Variants in SCD5 observed in about 807,000 individuals in gnomAD.
SCD5 encodes stearoyl-CoA desaturase 5.
In SCD5, 20 loss-of-function variants were observed where a neutral mutation model predicts 30.4. That is an observed-to-expected ratio of 0.66 (90% CI 0.46 to 0.96). The LOEUF (loss-of-function observed/expected upper bound fraction) is 0.96, where lower values mean the gene tolerates loss of function less well. Ranked by LOEUF, SCD5 falls within the 40% of genes least tolerant of loss-of-function variation. SCD5 has a pLI of 0.00. For synonymous variants in SCD5, 173 were observed against 176.4 expected, an observed-to-expected ratio of 0.98 and a Z score of 0.16; for missense variants, 381 against 443.3, an observed-to-expected ratio of 0.86 and a Z score of 1.26.
In SCD5 at chr4:82,629,736, T is replaced by C. The variant is rs1303554534; in HGVS notation, c.*1591A>G. 1 of 152,216 alleles carries C rather than the reference T, an allele frequency of 6.6e-6. No homozygotes were observed. Among genetic ancestry groups the C allele is most frequent in the Non-Finnish European group, 1.5e-5 (1 of 68,034 alleles). The allele number at this position is 152,216 out of a possible 1,614,324, so 9.4% of individuals were successfully genotyped here. On this transcript the variant is annotated 3_prime_UTR_variant, in exon 5 of 5. Coordinates refer to ENST00000319540, the MANE Select transcript of SCD5 (RefSeq NM_001037582.3). ...AATATCTATCTTCAAAGTGCTCCAATACTAACACTATAAGCCCTTTCTTTT... is the reference window on the plus strand; with the variant it reads ...AATATCTATCTTCAAAGTGCTCCAACACTAACACTATAAGCCCTTTCTTTT...
At chr4:82,746,517 C>G (rs960936115) in intron 1 of SCD5, among the ~76,000 whole-genome samples, 1 of 152,112 alleles carries the variant, frequency 6.6e-6, no homozygotes, top group African/African-American at 2.4e-5. Context: ...TCAGATCAAT[C>G]AGGTTCTTGT....
At chr4:82,672,573 G>GC (rs1300124263) in intron 3 of SCD5, among the ~76,000 whole-genome samples, 1 of 151,862 alleles carries the variant, frequency 6.6e-6, no homozygotes, top group African/African-American at 2.4e-5. Context: ...ATAGAACCAG[G>GC]CCAAGATGGT....
intron 1 of SCD5, among the ~76,000 whole-genome samples, chr4:82,755,507 A>AAAAG: frequency 6.6e-6 from 1 of 152,272 alleles, no homozygotes; most frequent in East Asian, 1.9e-4. Context: ...CAAAAAACAG[A>AAAAG]AAAGAAAGAA....
At chr4:82,713,269 A>G (rs1453345080) in intron 1 of SCD5, among the ~76,000 whole-genome samples, 1 of 152,206 alleles carries the variant, frequency 6.6e-6, no homozygotes, top group Non-Finnish European at 1.5e-5. Context: ...GGTTAGGTCC[A>G]TTTACACGGT....
chr4:82,715,172 G>A (rs1247632273), intron 1 of SCD5, among the ~76,000 whole-genome samples: 1 of 151,166 alleles, frequency 6.6e-6, no homozygotes, highest in Non-Finnish European at 1.5e-5. Flanking sequence ...AGGAGGCAGA[G>A]GTTGCAGTGC....
chr4:82,653,729 G>GATAGATAGATAGAT (rs1433592283), intron 3 of SCD5, among the ~76,000 whole-genome samples: 3 of 151,754 alleles, frequency 2.0e-5, no homozygotes, highest in Middle Eastern at 3.2e-3. Context: ...GATAGATATA[G>GATAGATAGATAGAT]ATAGATAGGC....
At chr4:82,708,612 G>A (rs1339323839) in intron 1 of SCD5, among the ~76,000 whole-genome samples, 2 of 152,222 alleles carry the variant, frequency 1.3e-5, no homozygotes, top group African/African-American at 4.8e-5. Flanking sequence ...ACAGAGTCCA[G>A]AGCTCCTTTG....
chr4:82,772,560 A>G (rs1264047844), intron 1 of SCD5, among the ~76,000 whole-genome samples: 1 of 152,162 alleles, frequency 6.6e-6, no homozygotes, highest in Non-Finnish European at 1.5e-5. Context: ...CCCATCTGAA[A>G]TGGTCTCGCT....
intron 1 of SCD5, among the ~76,000 whole-genome samples, chr4:82,746,229 A>G (rs1237811696): frequency 1.3e-5 from 2 of 152,256 alleles, no homozygotes; most frequent in East Asian, 3.8e-4. Context: ...TTAGAAAACT[A>G]TGGAAGCAAT....
At chr4:82,639,269 G>A (rs899186434) in intron 3 of SCD5, among the ~76,000 whole-genome samples, 11 of 152,150 alleles carry the variant, frequency 7.2e-5, no homozygotes, top group African/African-American at 2.7e-4. Flanking sequence ...AAAGACCAAA[G>A]ACAACTAAGG....
intron 1 of SCD5, among the ~76,000 whole-genome samples, chr4:82,735,098 T>C (rs1720722138): frequency 1.3e-5 from 2 of 152,192 alleles, no homozygotes; most frequent in Admixed American, 1.3e-4. Context: ...TTTAGCATTA[T>C]AGCAGGTCCT....
At chr4:82,729,406 T>C (rs1297290612) in intron 1 of SCD5, among the ~76,000 whole-genome samples, 1 of 152,140 alleles carries the variant, frequency 6.6e-6, no homozygotes, top group African/African-American at 2.4e-5. Context: ...TGCTTTCTTG[T>C]GTTTACACCT....
At chr4:82,769,433 C>G (rs532693890) in intron 1 of SCD5, among the ~76,000 whole-genome samples, 1 of 152,116 alleles carries the variant, frequency 6.6e-6, no homozygotes, top group South Asian at 2.1e-4. Context: ...AATGTTTCAC[C>G]AATTTACAGA....
chr4:82,684,347 G>A (rs900259062), intron 2 of SCD5, among the ~76,000 whole-genome samples: 3 of 152,154 alleles, frequency 2.0e-5, no homozygotes, highest in African/African-American at 7.2e-5. Flanking sequence ...CAAAGAATAA[G>A]ATGTGTTTTG....
chr4:82,727,969 A>T (rs892113863), intron 1 of SCD5, among the ~76,000 whole-genome samples: 1 of 152,098 alleles, frequency 6.6e-6, no homozygotes, highest in Non-Finnish European at 1.5e-5. Flanking sequence ...CGGCCCTCCC[A>T]AAGTGTTGGG....
intron 1 of SCD5, among the ~76,000 whole-genome samples, chr4:82,794,674 G>A (rs1722172199): frequency 6.7e-6 from 1 of 150,158 alleles, no homozygotes. Flanking sequence ...TTTTGAGACG[G>A]AGTCTCACTC....
chr4:82,704,392 G>C (rs1417157810), intron 2 of SCD5, among the ~76,000 whole-genome samples: 2 of 152,196 alleles, frequency 1.3e-5, no homozygotes, highest in African/African-American at 4.8e-5. Context: ...AATGTGGGCA[G>C]AAGTTTTGAA....
chr4:82,721,691 C>A (rs1394539469), intron 1 of SCD5, among the ~76,000 whole-genome samples: 1 of 152,174 alleles, frequency 6.6e-6, no homozygotes, highest in Non-Finnish European at 1.5e-5. Context: ...GGAACAAATC[C>A]TTCCCTCACA....
intron 1 of SCD5, among the ~76,000 whole-genome samples, chr4:82,736,051 C>G (rs938439849): frequency 2.6e-5 from 4 of 152,120 alleles, no homozygotes; most frequent in African/African-American, 9.7e-5. Flanking sequence ...TTTAGGAGAC[C>G]AAGGTGGGCA....
Sources: gnomAD v4.1 joint callset for allele counts (sites outside exome capture counted in the v4.1 genomes callset) on GRCh38, gnomAD v4.1.1 for gene constraint, MANE v1.5 for transcripts, NCBI Gene and HGNC (gene_info 2026-07-23, HGNC 2026-07-21) for gene names.